Variants in CLCF1 observed in about 807,000 individuals in gnomAD.
The protein encoded by CLCF1 is cardiotrophin like cytokine factor 1, also known as cardiotrophin-like cytokine factor 1.
CLCF1 carries 10 observed loss-of-function variants against 21.2 expected under a neutral mutation model. That is an observed-to-expected ratio of 0.47 (90% confidence interval 0.29 to 0.80). The LOEUF (loss-of-function observed/expected upper bound fraction) is 0.80, where lower values mean the gene tolerates loss of function less well. Among genes scored for constraint, CLCF1 ranks in the 30% least tolerant of loss-of-function variants. The pLI is 0.09. For missense variants in CLCF1, 240 were observed against 293.4 expected, an observed-to-expected ratio of 0.82 and a Z score of 1.33; for synonymous variants, 115 against 120.5, an observed-to-expected ratio of 0.95 and a Z score of 0.30.
chr11:67,367,727 G>A (rs1235174291), intron 1 of CLCF1, 101 bp from the exon 2 acceptor site: 2 of 1,537,444 alleles, frequency 1.3e-6, no homozygotes, highest in Middle Eastern at 2.3e-4. Flanking sequence ...GGCTGGGTGG[G>A]GGGTGAGGGT....
chr11:67,374,055 G>A, upstream of CLCF1: 1 of 985,346 alleles, frequency 1.0e-6, no homozygotes, highest in Non-Finnish European at 1.2e-6. Flanking sequence ...ACCTCTGCCT[G>A]TGCGAGGTCC....
Position 67,365,420 on chromosome 11 carries a change from T to G in CLCF1, c.394A>C (p.Ser132Arg). 1 of 1,613,646 alleles carries G rather than the reference T, an allele frequency of 6.2e-7. No homozygotes were observed. The highest frequency in any genetic ancestry group is 8.5e-7 in the Non-Finnish European group (1 of 1,179,828). Reference protein sequence around the residue: ...RQAATAELRRSLAHFCTSLQG... With the variant: ...RQAATAELRRRLAHFCTSLQG... ...AGGCTGGTGCAGAAGTGGGCCAGGCTGCGGCGCAGCTCAGCAGTGGCAGCC... is the reference window on the plus strand; with the variant it reads ...AGGCTGGTGCAGAAGTGGGCCAGGCGGCGGCGCAGCTCAGCAGTGGCAGCC... The change falls in exon 3 of 3, where the codon AGC (serine) becomes CGC (arginine). Residue 132 changes from serine (S) to arginine (R), a missense_variant. Ser to Arg is a moderately radical substitution (Grantham distance 110, BLOSUM62 -1). Coordinates refer to ENST00000312438, the MANE Select transcript of CLCF1 (RefSeq NM_013246.3). The surrounding 1 kb of genome is among the most constrained non-coding windows in gnomAD (Gnocchi z 5.0).
chr11:67,368,983 A>G, intron 1 of CLCF1: 1 of 955,542 alleles, frequency 1.0e-6, no homozygotes, highest in Non-Finnish European at 1.2e-6. Flanking sequence ...ATACTCTCAG[A>G]TTTTTCTATA....
intron 1 of CLCF1, chr11:67,370,884 C>A (rs541096802): frequency 1.0e-6 from 1 of 985,410 alleles, no homozygotes; most frequent in East Asian, 1.1e-4. Context: ...GAACTGTAAG[C>A]CCTAAATGTT....
In CLCF1 at chr11:67,364,810, T is replaced by C. The variant is rs1031832147; in HGVS notation, c.*326A>G. The C allele has an allele frequency of 3.1e-6, 1 of 324,536 alleles. No individual in the cohort carries two copies. The highest frequency in any genetic ancestry group is 5.8e-6 in the Non-Finnish European group (1 of 171,728). The allele number at this position is 324,536 out of a possible 1,614,324, so 20.1% of individuals were successfully genotyped here. ...CCTCCAGATGTGCCACCTGAGGGGC[T>C]GGGTGGGCACTGGCCAAGTGGTAGG... On this transcript the variant is annotated 3_prime_UTR_variant, in exon 3 of 3. Coordinates refer to ENST00000312438, the MANE Select transcript of CLCF1 (RefSeq NM_013246.3).
chr11:67,370,414 G>GC, intron 1 of CLCF1: 1 of 981,462 alleles, frequency 1.0e-6, no homozygotes, highest in African/African-American at 1.8e-5. Context: ...CCCCAGCCCG[G>GC]CCCCCGCCCC....
chr11:67,373,669 G>T, upstream of CLCF1: 2 of 1,255,004 alleles, frequency 1.6e-6, no homozygotes, highest in Non-Finnish European at 2.0e-6. Context: ...TTTTTCGCTC[G>T]GTTTCGGATT....
chr11:67,373,373 C>T, intron 1 of CLCF1, 151 bp downstream of exon 1: 1 of 409,376 alleles, frequency 2.4e-6, no homozygotes, highest in South Asian at 7.8e-5. Context: ...CGGCCCCTCT[C>T]GAGGGCGCCC....
At chr11:67,370,264 C>T (rs1156362723) in intron 1 of CLCF1, 3 of 985,228 alleles carry the variant, frequency 3.0e-6, no homozygotes, top group South Asian at 9.4e-5. Flanking sequence ...CAACACAGCT[C>T]GCCTGCCTCC....
Position 67,368,922 on chromosome 11 carries a change from T to TTC in CLCF1, c.17-1297_17-1296insGA, listed in dbSNP as rs1351125755. 223 of 935,106 alleles carry TTC rather than the reference T, an allele frequency of 2.4e-4. 1 individual carries two copies. The highest frequency in any genetic ancestry group is 3.0e-4 in the South Asian group (6 of 20,064). The allele number at this position is 935,106 out of a possible 1,614,324, so 57.9% of individuals were successfully genotyped here. On this transcript the variant is annotated intron_variant, in intron 1 of 2. Coordinates refer to ENST00000312438, the MANE Select transcript of CLCF1 (RefSeq NM_013246.3). ...AGTTCTTTTTTTTTCCTTTTTTTTT[T>TTC]TTTTTTTTGCTGCCACCTTCTCTTT...
upstream of CLCF1, chr11:67,373,842 AGGGG>A (rs920376375): frequency 1.4e-6 from 1 of 694,830 alleles, no homozygotes; most frequent in Non-Finnish European, 1.7e-6. Context: ...CACAGCACCG[AGGGG>A]GGGTGAGGTG....
chr11:67,368,104 G>T (rs1862154862), intron 1 of CLCF1: 2 of 985,292 alleles, frequency 2.0e-6, no homozygotes, highest in Non-Finnish European at 2.4e-6. Context: ...AGCACAGTCA[G>T]CCCTAAGGGA....
intron 1 of CLCF1, 141 bp from the exon 2 acceptor site, chr11:67,367,767 G>C: frequency 6.6e-7 from 1 of 1,509,058 alleles, no homozygotes; most frequent in Non-Finnish European, 8.8e-7. Context: ...AGAGGGGATG[G>C]AGGAGGGGAA....
At chr11:67,366,876 TCTCTGAACAC>T (rs1862111218) in intron 2 of CLCF1, among the ~76,000 whole-genome samples, 1 of 152,026 alleles carries the variant, frequency 6.6e-6, no homozygotes, top group South Asian at 2.1e-4. Context: ...TCTCCTGGGC[TCTCTGAACAC>T]CTCTGGACCA....
chr11:67,368,208 T>C (rs1862157987), intron 1 of CLCF1: 2 of 985,188 alleles, frequency 2.0e-6, no homozygotes, highest in Non-Finnish European at 2.4e-6. Flanking sequence ...CTTATGGGGC[T>C]TAGTTTTGGG....
chr11:67,364,858 G>A lies in CLCF1; in HGVS notation c.*278C>T, dbSNP rs948792800. 2.6e-5 allele frequency: 11 copies of A among 424,458 alleles called. No individual in the cohort carries two copies. The highest frequency in any genetic ancestry group is 6.4e-4 in the Middle Eastern group (1 of 1,570). 26.3% of individuals were successfully genotyped at this position (424,458 alleles called of 1,614,324 possible). A position where few individuals can be genotyped will look rare whatever the true frequency, so the allele number is the denominator to read the frequency against. On this transcript the variant is annotated 3_prime_UTR_variant, in exon 3 of 3. Coordinates refer to ENST00000312438, the MANE Select transcript of CLCF1 (RefSeq NM_013246.3). Reference sequence around the variant, plus strand: ...AGGCAAGAAGCAGGAGGCCATGAGCGCCTCTGCACCAACCTGAACCACTTC... The same window carrying A: ...AGGCAAGAAGCAGGAGGCCATGAGCACCTCTGCACCAACCTGAACCACTTC...
chr11:67,371,991 C>G (rs1862245601), intron 1 of CLCF1, among the ~76,000 whole-genome samples: 1 of 151,682 alleles, frequency 6.6e-6, no homozygotes, highest in African/African-American at 2.4e-5. Context: ...CCCGGTGGAG[C>G]GTGTGGCTCC....
At chr11:67,368,393 G>A in intron 1 of CLCF1, 1 of 985,372 alleles carries the variant, frequency 1.0e-6, no homozygotes, top group Non-Finnish European at 1.2e-6. Context: ...GCAAGGGTGG[G>A]GACAGGAAGG....
At chr11:67,371,744 G>C (rs994135154) in intron 1 of CLCF1, among the ~76,000 whole-genome samples, 1 of 152,006 alleles carries the variant, frequency 6.6e-6, no homozygotes, top group Non-Finnish European at 1.5e-5. Context: ...ATCAAGAGGG[G>C]CGTGGGGGGG....
Sources: gnomAD v4.1 joint callset for allele counts (sites outside exome capture counted in the v4.1 genomes callset) on GRCh38, gnomAD v4.1.1 for gene constraint, Gnocchi (gnomAD v3.1) non-coding constraint, MANE v1.5 for transcripts, NCBI Gene and HGNC (gene_info 2026-07-23, HGNC 2026-07-21) for gene names.